The following SLC12A9 variants were observed in gnomAD, a reference collection of about 807,000 sequenced individuals.
SLC12A9 encodes solute carrier family 12 member 9.
Under a neutral mutation model 66.0 loss-of-function variants are expected in SLC12A9, and 55 were observed. That is an observed-to-expected ratio of 0.83 (90% CI 0.67 to 1.04). The LOEUF is 1.04. SLC12A9 is among the 50% of genes least tolerant of loss of function. SLC12A9 has a pLI of 0.00. For missense variants in SLC12A9, 1,061 were observed against 1,241.9 expected (o/e 0.85, Z 2.19); for synonymous variants, 577 against 569.0 (o/e 1.01, Z -0.20).
intron 4 of SLC12A9, chr7:100,856,050 A>T: frequency 1.9e-5 from 11 of 589,666 alleles, no homozygotes; most frequent in Non-Finnish European, 2.8e-5. Context: ...AATCGGAGAG[A>T]CCAGGCTAAG....
chr7:100,837,502 C>G (rs1281636335), intron 1 of SLC12A9: 1 of 152,230 alleles, frequency 6.6e-6, no homozygotes, highest in East Asian at 1.9e-4. Context: ...ATCTTTCCTT[C>G]CCGGCCGTCA....
chr7:100,837,744 G>C (rs529816537), intron 1 of SLC12A9, among the ~76,000 whole-genome samples: 1 of 152,022 alleles, frequency 6.6e-6, no homozygotes. Flanking sequence ...TTGCAGCCTC[G>C]AACTCTTGAC....
At chr7:100,851,007 C>T (rs1814059140), upstream of SLC12A9, among the ~76,000 whole-genome samples, 2 of 151,798 alleles carry the variant, frequency 1.3e-5, no homozygotes, top group Admixed American at 6.6e-5. Flanking sequence ...CGTGAGCCAC[C>T]GTGCCTGGCC....
intron 6 of SLC12A9, 37 bp downstream of exon 6, chr7:100,858,979 G>A: frequency 6.2e-7 from 1 of 1,613,148 alleles, no homozygotes. Context: ...GGGGGTTTGG[G>A]GCTGCCACCG....
Position 100,852,823 on chromosome 7 carries a change from C to G in SLC12A9, c.-55C>G, listed in dbSNP as rs1283020458. 1 of 152,274 alleles carries G rather than the reference C, an allele frequency of 6.6e-6. No homozygotes were observed. The highest frequency in any genetic ancestry group is 1.5e-5 in the Non-Finnish European group (1 of 68,098). 9.4% of individuals were successfully genotyped at this position (152,274 alleles called of 1,614,324 possible). ...GGCTCGCGGGGATCGCCCCCGAGCG[C>G]TGCGTCCTGCGGGTGGGTGAGTGAG... is the stretch of plus-strand genomic sequence containing the variant. On this transcript the variant is annotated 5_prime_UTR_variant, in exon 1 of 14. Transcript: ENST00000354161.
intron 1 of SLC12A9, among the ~76,000 whole-genome samples, chr7:100,836,334 G>T (rs1262412570): frequency 6.6e-6 from 1 of 152,184 alleles, no homozygotes; most frequent in Non-Finnish European, 1.5e-5. Context: ...GCCAGGCCGG[G>T]TGGGGCCGGC....
chr7:100,848,681 T>TC (rs1349351277), upstream of SLC12A9, among the ~76,000 whole-genome samples: 14 of 151,918 alleles, frequency 9.2e-5, no homozygotes, highest in Non-Finnish European at 1.6e-4. Context: ...GGTCAGGAGA[T>TC]CGAGACCATT....
At chr7:100,828,395 T>TGGGCA (rs1386872292) in intron 1 of SLC12A9, among the ~76,000 whole-genome samples, 2 of 151,180 alleles carry the variant, frequency 1.3e-5, no homozygotes, top group Admixed American at 1.3e-4. Flanking sequence ...AAAAATTAGC[T>TGGGCA]GGGCATGGTG....
intron 1 of SLC12A9, among the ~76,000 whole-genome samples, chr7:100,847,055 AAGAC>A (rs2116546565): frequency 6.6e-6 from 1 of 152,252 alleles, no homozygotes; most frequent in East Asian, 1.9e-4. Context: ...GCCCTTAAAA[AAGAC>A]AGGAATTGCT....
chr7:100,847,366 G>C (rs1813941537), intron 1 of SLC12A9, among the ~76,000 whole-genome samples: 1 of 152,202 alleles, frequency 6.6e-6, no homozygotes, highest in Non-Finnish European at 1.5e-5. Context: ...GGTGAGTCAG[G>C]CCATCATATT....
chr7:100,840,864 C>G lies in SLC12A9; in HGVS notation n.228+13817C>G, dbSNP rs572317547. Among the ~76,000 whole-genome samples the G allele has an allele frequency of 1.6e-4, 25 of 152,232 alleles. No individual in the cohort carries two copies. In the East Asian group the frequency reaches 2.3e-3, roughly 14 times the overall value. On this transcript the variant is annotated intron_variant and non_coding_transcript_variant, in intron 1 of 1. Coordinates refer to the SLC12A9 transcript ENST00000461016. ...GTAACCCTGTAACACTCCAATACCA[C>G]TTTGTTGTCAGTGTAAACAAAGCCG...
At chr7:100,857,214 A>T in intron 5 of SLC12A9, 38 bp downstream of exon 5, 1 of 1,581,150 alleles carries the variant, frequency 6.3e-7, no homozygotes, top group Non-Finnish European at 8.6e-7. Flanking sequence ...TCTCGGGGTG[A>T]GGGGTGGGCA....
chr7:100,865,616 C>T, intron 13 of SLC12A9, 103 bp from the exon 14 acceptor site: 1 of 1,557,942 alleles, frequency 6.4e-7, no homozygotes, highest in South Asian at 1.2e-5. Flanking sequence ...GAATGTCATA[C>T]CTATGGCTGA....
Position 100,866,010 on chromosome 7 carries a change from G to T in SLC12A9, c.2150G>T (p.Gly717Val). 6.2e-7 allele frequency: 1 copy of T among 1,612,542 alleles called. No individual in the cohort carries two copies. The highest frequency in any genetic ancestry group is 8.5e-7 in the Non-Finnish European group (1 of 1,179,656). Residue 717 changes from glycine to valine, a missense_variant, in exon 14 of 14, where the codon GGC becomes GTC. Physicochemically the swap from Gly to Val is moderately radical, Grantham distance 109 (BLOSUM62 -3). Coordinates refer to ENST00000354161, the MANE Select transcript of SLC12A9 (RefSeq NM_020246.4). The surrounding 1 kb of genome is among the most constrained non-coding windows in gnomAD (Gnocchi z 7.3). ...PPERLSRGSG[G>V]TSQLHHVDVW... ...GAGCGGCTGAGCCGGGGGTCTGGGG[G>T]CACCTCTCAGCTGCACCATGTGGAC...
chr7:100,836,648 C>T (rs1813664648), intron 1 of SLC12A9, among the ~76,000 whole-genome samples: 1 of 152,124 alleles, frequency 6.6e-6, no homozygotes, highest in African/African-American at 2.4e-5. Context: ...TTCATCCCTC[C>T]CCTCGGCTCA....
chr7:100,854,084 T>G, intron 1 of SLC12A9, 72 bp from the exon 2 acceptor site: 6 of 991,180 alleles, frequency 6.1e-6, no homozygotes, highest in East Asian at 2.8e-5. Flanking sequence ...CTTCAGGGTG[T>G]TTGATTAGTG....
At chr7:100,832,414 C>T (rs897978517) in intron 1 of SLC12A9, among the ~76,000 whole-genome samples, 2 of 151,484 alleles carry the variant, frequency 1.3e-5, no homozygotes, top group Non-Finnish European at 1.5e-5. Context: ...CTGGGGAGGC[C>T]GAGGTGGGAG....
chr7:100,855,914 C>T, intron 4 of SLC12A9, 77 bp downstream of exon 4: 1 of 1,509,904 alleles, frequency 6.6e-7, no homozygotes, highest in Non-Finnish European at 8.8e-7. Context: ...GGAGAAGGTC[C>T]TCTCCAGCAG....
At chr7:100,865,381 C>T (rs539715324) in intron 13 of SLC12A9, 49 of 1,535,994 alleles carry the variant, frequency 3.2e-5, no homozygotes, top group Non-Finnish European at 3.9e-5. Flanking sequence ...CATCCCCTGC[C>T]GTGAAACAGA....
Sources: gnomAD v4.1 joint callset for allele counts (sites outside exome capture counted in the v4.1 genomes callset) on GRCh38, gnomAD v4.1.1 for gene constraint, Gnocchi (gnomAD v3.1) non-coding constraint, MANE v1.5 for transcripts, NCBI Gene and HGNC (gene_info 2026-07-23, HGNC 2026-07-21) for gene names.